SEC22B: variants seen among roughly 807,000 people sequenced by gnomAD.
SEC22B encodes vesicle-trafficking protein SEC22b.
In SEC22B, 10 loss-of-function variants were observed where a neutral mutation model predicts 31.4. The observed-to-expected ratio is 0.32, with a 90% confidence interval of 0.20 to 0.54. SEC22B has a LOEUF of 0.54. Among genes scored for constraint, SEC22B ranks in the 20% least tolerant of loss-of-function variants. The pLI is 0.94. For synonymous variants in SEC22B, 60 were observed against 95.9 expected (o/e 0.63, Z 2.19); for missense variants, 130 against 263.4 (o/e 0.49, Z 3.50).
intron 3 of SEC22B, among the ~76,000 whole-genome samples, chr1:120,162,928 T>C (rs1570866927): frequency 1.3e-5 from 2 of 152,202 alleles, no homozygotes; most frequent in East Asian, 3.8e-4. Context: ...GCACAGTTCC[T>C]GTCACATGTG....
At position 120,156,229 on chromosome 1, in the gene SEC22B, G is replaced by A. The variant is rs1183873906; in HGVS notation, c.*809C>T. 1 of 151,934 alleles carries A rather than the reference G, an allele frequency of 6.6e-6. No homozygotes were observed. Among genetic ancestry groups the A allele is most frequent in the Non-Finnish European group, 1.5e-5 (1 of 67,946 alleles). 9.4% of individuals were successfully genotyped at this position (151,934 alleles called of 1,614,324 possible). ...CCTGCCTTTGTTCTCATGAAGCCAG[G>A]GGCCTCTCCATATCCTATACTTGCT... is the stretch of plus-strand genomic sequence containing the variant. On this transcript the variant is annotated 3_prime_UTR_variant, in exon 5 of 5. Transcript: ENST00000578049.
Position 120,160,488 on chromosome 1 carries a change from C to T in SEC22B, c.389G>A (p.Arg130His), listed in dbSNP as rs1309441590. 34 of 1,606,342 alleles carry T rather than the reference C, an allele frequency of 2.1e-5. No homozygotes were observed. The highest frequency in any genetic ancestry group is 1.0e-4 in the South Asian group (9 of 89,670). Residue 130 changes from arginine (R) to histidine (H), a missense_variant, in exon 4 of 5, where the codon CGT becomes CAT. This residue lies in a region of SEC22B where 53 missense variants were observed against 63.3 expected (regional missense o/e 0.84). Transcript: ENST00000578049. ...GATGGAGCCTAGATTTCTTCGAGCA[C>T]GACTGTCAATGTAGAGCTTCTTGGT... ...QKTKKLYIDS[R>H]ARRNLGSINT...
At chr1:120,169,738 T>A (rs1188206238) in intron 1 of SEC22B, among the ~76,000 whole-genome samples, 1 of 145,934 alleles carries the variant, frequency 6.9e-6, no homozygotes, top group Non-Finnish European at 1.5e-5. Flanking sequence ...ATCTCCAATC[T>A]ACTAGATCCA....
intron 3 of SEC22B, 58 bp from the exon 4 acceptor site, chr1:120,160,588 G>A: frequency 6.8e-7 from 1 of 1,474,146 alleles, no homozygotes; most frequent in Non-Finnish European, 9.0e-7. Context: ...ACTGAGGTAG[G>A]AGATTAAAAG....
rs1468351033 is a variant in SEC22B, at chr1:120,163,463, T to A, written c.186-93A>T. On this transcript the variant is annotated intron_variant, in intron 2 of 4. Coordinates refer to ENST00000578049, the MANE Select transcript of SEC22B (RefSeq NM_004892.6). ...GAATCTCTGTACCATGCAAACTTTT[T>A]AAAAAATCTAGCCTAAATACTTTGA... 48 of 821,918 alleles carry A rather than the reference T, an allele frequency of 5.8e-5. 1 individual carries two copies. The highest frequency in any genetic ancestry group is 7.3e-5 in the Non-Finnish European group (45 of 617,280). The allele number at this position is 821,918 out of a possible 1,614,324, so 50.9% of individuals were successfully genotyped here. A position where few individuals can be genotyped will look rare whatever the true frequency, so the allele number is the denominator to read the frequency against.
Position 120,176,430 on chromosome 1 carries a change from C to G in SEC22B, c.-49G>C, listed in dbSNP as rs1657966868. 20 of 1,533,930 alleles carry G rather than the reference C, an allele frequency of 1.3e-5. No individual in the cohort carries two copies. Among genetic ancestry groups the G allele is most frequent in the Non-Finnish European group, 1.3e-5 (14 of 1,110,836 alleles). On this transcript the variant is annotated 5_prime_UTR_variant, in exon 1 of 5. Coordinates refer to ENST00000578049, the MANE Select transcript of SEC22B (RefSeq NM_004892.6). ...CACTGGCCCGGAAGGCCCTTGGCGC[C>G]GTCCTCACTTCCTCCGCCGCGACAA...
chr1:120,160,391 T>C lies in SEC22B; in HGVS notation c.486A>G (p.Ala162=). The C allele has an allele frequency of 6.2e-7, 1 of 1,610,136 alleles. No individual in the cohort carries two copies. Among genetic ancestry groups the C allele is most frequent in the Admixed American group, 1.7e-5 (1 of 59,486 alleles). ...NIEEVLQRGE[A]LSALDSKANN... ...CTCATTGCTTTTAGATACCTGAGAG[T>C]GCTTCTCCTCGTTGTAACACTTCTT... Residue 162 remains alanine, a synonymous_variant, in exon 4 of 5, where the codon GCA becomes GCG. Transcript: ENST00000578049.
chr1:120,171,928 C>T (rs2101132668), intron 1 of SEC22B, among the ~76,000 whole-genome samples: 1 of 151,722 alleles, frequency 6.6e-6, no homozygotes, highest in South Asian at 2.1e-4. Context: ...ATGTGCAATT[C>T]TGATCTGTGA....
chr1:120,163,441 T>A (rs1657751641), intron 2 of SEC22B, 71 bp from the exon 3 acceptor site: 1 of 1,036,774 alleles, frequency 9.6e-7, no homozygotes, highest in Admixed American at 3.2e-5. Context: ...TAAAGCAGAA[T>A]CTCTGTACCA....
chr1:120,161,249 A>G (rs1218515286), intron 3 of SEC22B, among the ~76,000 whole-genome samples: 1 of 152,176 alleles, frequency 6.6e-6, no homozygotes, highest in African/African-American at 2.4e-5. Context: ...GCATTATTAC[A>G]GCCTAACATG....
Position 120,152,975 on chromosome 1 carries a change from T to C in SEC22B, c.*4063A>G, listed in dbSNP as rs1317184864. 6.7e-6 allele frequency: 1 copy of C among 149,238 alleles called. No homozygotes were observed. The highest frequency in any genetic ancestry group is 1.5e-5 in the Non-Finnish European group (1 of 67,830). 9.2% of individuals were successfully genotyped at this position (149,238 alleles called of 1,614,324 possible). ...TGCCTTACACTTACGGCTCAAAAAA[T>C]GAAGGAAATGAGAGAAAAAAGTATA... On this transcript the variant is annotated 3_prime_UTR_variant, in exon 5 of 5. Coordinates refer to ENST00000578049, the MANE Select transcript of SEC22B (RefSeq NM_004892.6).
intron 4 of SEC22B, chr1:120,157,972 T>A (rs1345926915): frequency 7.3e-6 from 1 of 136,910 alleles, no homozygotes; most frequent in Non-Finnish European, 1.5e-5. Flanking sequence ...TATCTTCTTA[T>A]AACAGTTAAC....
intron 2 of SEC22B, among the ~76,000 whole-genome samples, chr1:120,165,041 T>C (rs1178582107): frequency 5.3e-5 from 8 of 152,150 alleles, no homozygotes; most frequent in African/African-American, 1.9e-4. Context: ...TTTGCTAGCC[T>C]CTAGTATGTT....
At chr1:120,172,946 A>G (rs1657912381) in intron 1 of SEC22B, among the ~76,000 whole-genome samples, 1 of 149,660 alleles carries the variant, frequency 6.7e-6, no homozygotes, top group Admixed American at 6.6e-5. Flanking sequence ...ACACACAACC[A>G]CAATACTTTT....
intron 1 of SEC22B, 127 bp downstream of exon 1, chr1:120,176,180 C>T (rs1222281250): frequency 2.4e-5 from 18 of 748,790 alleles, no homozygotes; most frequent in Non-Finnish European, 4.0e-5. Context: ...GATAAAAGCG[C>T]ACTTCAGAGA....
chr1:120,153,441 C>A lies in SEC22B; in HGVS notation c.*3597G>T, dbSNP rs1199808752. ...CATGTTTTATTAAACCCTATATGTG[C>A]AGAAATGATTGTCCATTTTCCTTCT... On this transcript the variant is annotated 3_prime_UTR_variant, in exon 5 of 5. Coordinates refer to ENST00000578049, the MANE Select transcript of SEC22B (RefSeq NM_004892.6). 2 of 150,242 alleles carry A rather than the reference C, an allele frequency of 1.3e-5. No individual in the cohort carries two copies. Among genetic ancestry groups the A allele is most frequent in the South Asian group, 4.2e-4 (2 of 4,740 alleles). The allele number at this position is 150,242 out of a possible 1,614,324, so 9.3% of individuals were successfully genotyped here.
chr1:120,169,425 G>T (rs1196406917), intron 1 of SEC22B, among the ~76,000 whole-genome samples: 1 of 152,196 alleles, frequency 6.6e-6, no homozygotes, highest in Non-Finnish European at 1.5e-5. Flanking sequence ...ACTAGTGACT[G>T]CAAATTATTA....
rs1657594501 is a variant in SEC22B at position 120,154,295 on chromosome 1, G to C, written c.*2743C>G. 6.6e-6 allele frequency: 1 copy of C among 151,292 alleles called. No homozygotes were observed. 9.4% of individuals were successfully genotyped at this position (151,292 alleles called of 1,614,324 possible). On this transcript the variant is annotated 3_prime_UTR_variant, in exon 5 of 5. Coordinates refer to ENST00000578049, the MANE Select transcript of SEC22B (RefSeq NM_004892.6). ...CTTAGCTCTATTACTTTCTAACTCT[G>C]TGACTTTGGGCAAATGACTTAACTC...
intron 1 of SEC22B, among the ~76,000 whole-genome samples, chr1:120,175,712 G>A (rs1469630032): frequency 1.8e-3 from 269 of 152,210 alleles, no homozygotes; most frequent in African/African-American, 6.3e-3. Context: ...TTGCCCGCTA[G>A]GAAACTCAAG....
Sources: gnomAD v4.1 joint callset for allele counts (sites outside exome capture counted in the v4.1 genomes callset) on GRCh38, gnomAD v4.1.1 for gene constraint, gnomAD v4.1.1 regional missense constraint, MANE v1.5 for transcripts, NCBI Gene and HGNC (gene_info 2026-07-23, HGNC 2026-07-21) for gene names.